Variants in PWWP3B observed in about 807,000 individuals in gnomAD.
PWWP3B encodes PWWP domain containing 3B, also known as PWWP domain-containing DNA repair factor 3B.
In PWWP3B, 5 loss-of-function variants were observed where a neutral mutation model predicts 15.7. The observed-to-expected ratio is 0.32, with a 90% confidence interval of 0.17 to 0.67. The LOEUF is 0.67. PWWP3B is among the 30% of genes least tolerant of loss of function. The pLI is 0.74. For synonymous variants in PWWP3B, 203 were observed against 179.8 expected (o/e 1.13, Z -1.03); for missense variants, 519 against 493.1 (o/e 1.05, Z -0.50).
At chrX:106,204,803 G>C (rs1001721447) in intron 3 of PWWP3B, among the ~76,000 whole-genome samples, 1 of 111,827 alleles carries the variant, frequency 8.9e-6, no homozygotes, top group Non-Finnish European at 1.9e-5. Flanking sequence ...AAACTCTCAT[G>C]ATGGGGCCTA....
chrX:106,193,944 C>G (rs1569363486), intron 2 of PWWP3B, among the ~76,000 whole-genome samples: 2 of 111,926 alleles, frequency 1.8e-5, no homozygotes, highest in Non-Finnish European at 1.9e-5. Context: ...TGTGGGTAAC[C>G]TCACCTTTCT....
At chrX:106,198,207 A>AAAAGTTTC (rs1469631694) in intron 2 of PWWP3B, among the ~76,000 whole-genome samples, 1 of 111,645 alleles carries the variant, frequency 9.0e-6, no homozygotes, top group Non-Finnish European at 1.9e-5. Context: ...CCACAGTCAG[A>AAAAGTTTC]AAAGTTTCAT....
chrX:106,185,710 A>T (rs1046862857), intron 2 of PWWP3B, among the ~76,000 whole-genome samples: 2 of 111,774 alleles, frequency 1.8e-5, no homozygotes, highest in African/African-American at 6.5e-5. Flanking sequence ...TTGGGACCTT[A>T]CCCCTGTCCT....
chrX:106,170,016 A>G (rs1205025854), intron 1 of PWWP3B, among the ~76,000 whole-genome samples: 2 of 112,161 alleles, frequency 1.8e-5, no homozygotes, highest in Admixed American at 9.5e-5. Context: ...ATCTCCAATT[A>G]ATAGACAGAA....
chrX:106,180,276 G>A (rs1037424312), intron 2 of PWWP3B, among the ~76,000 whole-genome samples: 1 of 111,440 alleles, frequency 9.0e-6, no homozygotes, highest in East Asian at 2.8e-4. Context: ...TCATACACAC[G>A]TATATTCATT....
At chrX:106,199,208 C>T (rs1050122219) in intron 2 of PWWP3B, among the ~76,000 whole-genome samples, 2 of 110,172 alleles carry the variant, frequency 1.8e-5, no homozygotes, top group African/African-American at 6.6e-5. Context: ...GCCACCAAGC[C>T]TGGCTAATTT....
At chrX:106,198,153 G>A (rs902338596) in intron 2 of PWWP3B, among the ~76,000 whole-genome samples, 4 of 109,842 alleles carry the variant, frequency 3.6e-5, no homozygotes, top group Non-Finnish European at 5.7e-5. Flanking sequence ...TTTTGTATAC[G>A]GTTCTCTGGA....
At position 106,183,506 on chromosome X, in the gene PWWP3B, G is replaced by T. The variant is rs182576252; in HGVS notation, c.-401+12367G>T. Among the ~76,000 whole-genome samples, 35 of 111,586 alleles carry T rather than the reference G, an allele frequency of 3.1e-4. No homozygotes were observed. The East Asian group carries it at 9.4e-3, about 30-fold the overall frequency. ...CTCCTCAAATAGGGGACAACAAATGGGTAACTTGTTCCCCATATTCATGTA... is the reference window on the plus strand; with the variant it reads ...CTCCTCAAATAGGGGACAACAAATGTGTAACTTGTTCCCCATATTCATGTA... On this transcript the variant is annotated intron_variant, in intron 2 of 3. Coordinates refer to ENST00000357175, the MANE Select transcript of PWWP3B (RefSeq NM_001171020.2).
At chrX:106,199,338 G>T (rs1435599614) in intron 2 of PWWP3B, among the ~76,000 whole-genome samples, 3 of 112,080 alleles carry the variant, frequency 2.7e-5, no homozygotes, top group Non-Finnish European at 5.6e-5. Context: ...TTACAGGCGT[G>T]AGCCACTGAG....
At chrX:106,189,523 TCCAGTTTCATCCATGTCCCTA>T (rs1307831038) in intron 2 of PWWP3B, among the ~76,000 whole-genome samples, 1 of 111,266 alleles carries the variant, frequency 9.0e-6, no homozygotes, top group African/African-American at 3.3e-5. Flanking sequence ...AATGATGGTT[TCCAGTTTCATCCATGTCCCTA>T]CAAAGGACAT....
At chrX:106,175,302 G>C (rs1458310357) in intron 2 of PWWP3B, among the ~76,000 whole-genome samples, 2 of 92,581 alleles carry the variant, frequency 2.2e-5, no homozygotes, top group African/African-American at 4.1e-5. Flanking sequence ...GTGCACTGGC[G>C]CGATCTCGGC....
intron 2 of PWWP3B, among the ~76,000 whole-genome samples, chrX:106,194,667 T>C (rs1401225646): frequency 9.0e-6 from 1 of 111,528 alleles, no homozygotes; most frequent in Non-Finnish European, 1.9e-5. Context: ...CCCATCTTTG[T>C]GGTTTTATCT....
chrX:106,178,832 T>A (rs1042035608), intron 2 of PWWP3B, among the ~76,000 whole-genome samples: 12 of 112,603 alleles, frequency 1.1e-4, no homozygotes, highest in Non-Finnish European at 2.2e-4. Context: ...TTTTTATATA[T>A]CTTTCTCATA....
chrX:106,189,413 A>G (rs1922734328), intron 2 of PWWP3B, among the ~76,000 whole-genome samples: 1 of 108,086 alleles, frequency 9.3e-6, no homozygotes, highest in African/African-American at 3.4e-5. Context: ...CCGATGTGTG[A>G]TGTTCCCCTT....
At chrX:106,205,141 T>G (rs1923919065) in intron 3 of PWWP3B, 78 bp from the exon 4 acceptor site, 2 of 227,100 alleles carry the variant, frequency 8.8e-6, no homozygotes, top group Non-Finnish European at 1.6e-5. Context: ...CTTCTCCATT[T>G]GTAATTGCTC....
At chrX:106,176,045 C>T (rs891814731) in intron 2 of PWWP3B, among the ~76,000 whole-genome samples, 4 of 110,854 alleles carry the variant, frequency 3.6e-5, no homozygotes, top group South Asian at 3.8e-4. Flanking sequence ...GAGGAAGTTG[C>T]GGGGTATTGA....
In PWWP3B at chrX:106,207,782, T is replaced by C. The variant is rs979385163; in HGVS notation, c.*259T>C. On this transcript the variant is annotated 3_prime_UTR_variant, in exon 4 of 4. Coordinates refer to ENST00000357175, the MANE Select transcript of PWWP3B (RefSeq NM_001171020.2). ...TTTTTTAGAAAGCATAATTCCTAAA[T>C]GATTTTGAAGGGAAAGTACTATTTT... is the stretch of plus-strand genomic sequence containing the variant. 5 of 278,813 alleles carry C rather than the reference T, an allele frequency of 1.8e-5. No homozygotes were observed. The highest frequency in any genetic ancestry group is 3.3e-5 in the Non-Finnish European group (5 of 152,221). 23.0% of individuals were successfully genotyped at this position (278,813 alleles called of 1,213,427 possible).
chrX:106,181,364 C>CGCTGATTGGTCCATTTTACAGAGT (rs1266332551), intron 2 of PWWP3B, among the ~76,000 whole-genome samples: 1 of 111,437 alleles, frequency 9.0e-6, no homozygotes, highest in Non-Finnish European at 1.9e-5. Context: ...TTTTACACAG[C>CGCTGATTGGTCCATTTTACAGAGT]GCTGATTGGT....
At chrX:106,174,453 A>T (rs1343825541) in intron 2 of PWWP3B, among the ~76,000 whole-genome samples, 1 of 112,024 alleles carries the variant, frequency 8.9e-6, no homozygotes, top group Non-Finnish European at 1.9e-5. Flanking sequence ...CTAAATTTAA[A>T]TCTTAATTTT....
Sources: allele counts gnomAD v4.1 joint callset (sites outside exome capture counted in the v4.1 genomes callset), GRCh38; gene constraint gnomAD v4.1.1; transcripts MANE v1.5; gene names NCBI Gene and HGNC (gene_info 2026-07-23, HGNC 2026-07-21).